Variants in RALGPS2 observed in about 807,000 individuals in gnomAD.
RALGPS2 encodes Ral GEF with PH domain and SH3 binding motif 2.
Under a neutral mutation model 86.8 loss-of-function variants are expected in RALGPS2, and 43 were observed. The ratio of observed to expected loss-of-function variants is 0.50; its 90% confidence interval spans 0.39 to 0.64. The LOEUF (loss-of-function observed/expected upper bound fraction) is 0.64. RALGPS2 is among the 30% of genes least tolerant of loss of function. The pLI is 0.00. For synonymous variants in RALGPS2, 243 were observed against 231.3 expected, an observed-to-expected ratio of 1.05 and a Z score of -0.46; for missense variants, 536 against 694.6, an observed-to-expected ratio of 0.77 and a Z score of 2.57.
intron 19 of RALGPS2, among the ~76,000 whole-genome samples, chr1:178,914,797 A>G (rs1660748493): frequency 6.6e-6 from 1 of 152,210 alleles, no homozygotes; most frequent in African/African-American, 2.4e-5. Flanking sequence ...AGGACATGAA[A>G]TGTCATAGAG....
At chr1:178,866,792 T>C (rs2102340468) in intron 8 of RALGPS2, among the ~76,000 whole-genome samples, 1 of 152,288 alleles carries the variant, frequency 6.6e-6, no homozygotes, top group South Asian at 2.1e-4. Flanking sequence ...GCAGCACCTA[T>C]ACTAAAATAT....
intron 2 of RALGPS2, 74 bp downstream of exon 2, chr1:178,776,895 A>G: frequency 8.1e-7 from 1 of 1,229,642 alleles, no homozygotes; most frequent in Admixed American, 2.0e-5. Flanking sequence ...ATGTTTGTTC[A>G]CATACTTAAA....
At chr1:178,851,309 G>A (rs777959089) in intron 8 of RALGPS2, 28 of 1,606,142 alleles carry the variant, frequency 1.7e-5, no homozygotes, top group African/African-American at 8.1e-5. Flanking sequence ...GAAAGTGGGC[G>A]CAGTTTCCTT....
intron 17 of RALGPS2, 48 bp downstream of exon 17, chr1:178,897,804 A>G (rs1198434826): frequency 1.3e-6 from 2 of 1,526,858 alleles, no homozygotes; most frequent in African/African-American, 1.4e-5. Context: ...CAGACTGTTC[A>G]TGGTTATAAA....
chr1:178,754,447 C>T lies in RALGPS2; in HGVS notation c.-83-22235C>T, dbSNP rs535699770. On this transcript the variant is annotated intron_variant, in intron 1 of 19. Coordinates refer to ENST00000367635, the MANE Select transcript of RALGPS2 (RefSeq NM_152663.5). Reference sequence around the variant, plus strand: ...GGTGGTATAAGTTCTAGTCCAAAAGCCAGCAGGTTCTAGACCTGAGAAGAG... The same window carrying T: ...GGTGGTATAAGTTCTAGTCCAAAAGTCAGCAGGTTCTAGACCTGAGAAGAG... Among the ~76,000 whole-genome samples, 17 of 152,166 alleles carry T rather than the reference C, an allele frequency of 1.1e-4. 1 individual carries two copies. In the South Asian group the frequency reaches 3.5e-3, roughly 32 times the overall value.
chr1:178,861,622 C>A (rs1341283916), intron 8 of RALGPS2, among the ~76,000 whole-genome samples: 1 of 152,108 alleles, frequency 6.6e-6, no homozygotes, highest in East Asian at 1.9e-4. Flanking sequence ...ATAGAATACT[C>A]CATGGCAGTT....
intron 7 of RALGPS2, among the ~76,000 whole-genome samples, chr1:178,827,020 G>A (rs1444210928): frequency 1.3e-5 from 2 of 152,058 alleles, no homozygotes; most frequent in African/African-American, 4.8e-5. Flanking sequence ...AACATTCCAA[G>A]ATACAAAATT....
intron 1 of RALGPS2, among the ~76,000 whole-genome samples, chr1:178,772,716 A>C (rs967007946): frequency 6.6e-6 from 1 of 152,252 alleles, no homozygotes; most frequent in Non-Finnish European, 1.5e-5. Context: ...ATGTGACAAA[A>C]TTATATTTGG....
intron 17 of RALGPS2, among the ~76,000 whole-genome samples, chr1:178,901,420 C>A (rs12122215): frequency 6.6e-6 from 1 of 151,910 alleles, no homozygotes; most frequent in Non-Finnish European, 1.5e-5. Flanking sequence ...TAAACAATAC[C>A]TGAATGGCTT....
intron 11 of RALGPS2, 34 bp from the exon 12 acceptor site, chr1:178,885,042 A>T (rs1659415040): frequency 2.0e-6 from 3 of 1,536,718 alleles, no homozygotes; most frequent in Admixed American, 4.6e-5. Context: ...AAATAAAGTA[A>T]TCATTTGAAA....
At chr1:178,744,766 C>T (rs995746916) in intron 1 of RALGPS2, among the ~76,000 whole-genome samples, 6 of 145,198 alleles carry the variant, frequency 4.1e-5, no homozygotes, top group Non-Finnish European at 4.5e-5. Flanking sequence ...TGCAGTGAGC[C>T]GAGATCGCAC....
intron 4 of RALGPS2, among the ~76,000 whole-genome samples, chr1:178,797,453 G>A (rs1654250395): frequency 6.6e-6 from 1 of 152,066 alleles, no homozygotes; most frequent in Admixed American, 6.6e-5. Flanking sequence ...GGGAGTCCCG[G>A]TGCAATTTTA....
rs11302348 is a variant in RALGPS2, at chr1:178,804,253, CTTTTT to C, written c.214-3780_214-3776del. ...CACCCAGATCTCTTAGCTGTTTCTT[CTTTTT>C]TTTTTTTTTTTAATTAATTGATTTA... On this transcript the variant is annotated intron_variant, in intron 4 of 19. Coordinates refer to ENST00000367635, the MANE Select transcript of RALGPS2 (RefSeq NM_152663.5). 1.2e-3 allele frequency among the ~76,000 whole-genome samples: 164 copies of C among 132,108 alleles called. 1 individual carries two copies. The highest frequency in any genetic ancestry group is 4.5e-3 in the African/African-American group (162 of 36,336). 86.7% of individuals were successfully genotyped at this position (132,108 alleles called of 152,430 possible).
chr1:178,788,841 C>CTTTTTTTCTTTTCT (rs1553263494), intron 4 of RALGPS2, among the ~76,000 whole-genome samples: 1 of 132,442 alleles, frequency 7.6e-6, no homozygotes, highest in African/African-American at 2.9e-5. Context: ...TTCTTTCTTT[C>CTTTTTTTCTTTTCT]TTTCTTTTCT....
At chr1:178,799,392 G>T (rs7534520) in intron 4 of RALGPS2, among the ~76,000 whole-genome samples, 12,204 of 151,942 alleles carry the variant, frequency 0.08, 517 homozygotes, top group African/African-American at 0.1. Context: ...ATGCCACAAA[G>T]GACATATATT....
chr1:178,796,405 T>G (rs1382579189), intron 4 of RALGPS2, among the ~76,000 whole-genome samples: 1 of 152,212 alleles, frequency 6.6e-6, no homozygotes, highest in Non-Finnish European at 1.5e-5. Flanking sequence ...CATATTAGGC[T>G]GAATGCTAAT....
At chr1:178,852,961 T>C (rs1657281497) in intron 8 of RALGPS2, 1 of 1,601,256 alleles carries the variant, frequency 6.2e-7, no homozygotes, top group African/African-American at 1.4e-5. Flanking sequence ...TTTCTGTTAA[T>C]AAGTGAAGAA....
intron 8 of RALGPS2, chr1:178,851,121 G>A (rs1184718456): frequency 1.4e-5 from 22 of 1,608,764 alleles, no homozygotes; most frequent in Non-Finnish European, 1.8e-5. Flanking sequence ...ATTGGCGAGT[G>A]TCTCTCTTCA....
intron 8 of RALGPS2, among the ~76,000 whole-genome samples, chr1:178,874,128 A>T (rs1266829032): frequency 6.6e-6 from 1 of 152,228 alleles, no homozygotes; most frequent in Non-Finnish European, 1.5e-5. Flanking sequence ...GGGAAAAAAT[A>T]AGGGAATGAT....
Sources: gnomAD v4.1 joint callset for allele counts (sites outside exome capture counted in the v4.1 genomes callset) on GRCh38, gnomAD v4.1.1 for gene constraint, MANE v1.5 for transcripts, NCBI Gene and HGNC (gene_info 2026-07-23, HGNC 2026-07-21) for gene names.